POU2F2: variants seen among roughly 807,000 people sequenced by gnomAD.
The protein encoded by POU2F2 is POU domain, class 2, transcription factor 2.
In POU2F2, 14 loss-of-function variants were observed where a neutral mutation model predicts 63.5. That is an observed-to-expected ratio of 0.22 (90% CI 0.15 to 0.34). The LOEUF (loss-of-function observed/expected upper bound fraction) is 0.34. POU2F2 is among the 10% of genes least tolerant of loss of function. The probability of loss-of-function intolerance (pLI) is 1.00; values close to 1 mark genes in which losing one functional copy is unlikely to be tolerated. For synonymous variants in POU2F2, 306 were observed against 348.6 expected (o/e 0.88, Z 1.36); for missense variants, 607 against 815.2 (o/e 0.74, Z 3.11).
Position 42,091,312 on chromosome 19 carries a change from G to T in POU2F2, c.1820C>A (p.Ala607Glu), listed in dbSNP as rs957068196. 4 of 1,534,392 alleles carry T rather than the reference G, an allele frequency of 2.6e-6. No homozygotes were observed. The African/African-American group carries it at 5.5e-5, about 21-fold the overall frequency. The part of the protein sequence containing the change: ...SSSSSTCSET[A>E]AQTPGGPGGP... ...CCCTGGACCTCCAGGGGTCTGTGCT[G>T]CCGTCTCGCTGCAAGTGGAGGAGGA... The change falls in exon 15 of 15, where the codon GCA becomes GAA. Residue 607 changes from alanine to glutamate, a missense_variant. Coordinates refer to ENST00000692977, the MANE Select transcript of POU2F2 (RefSeq NM_001394376.1).
At chr19:42,140,259 C>G (rs1335373112) in intron 2 of POU2F2, among the ~76,000 whole-genome samples, 1 of 152,108 alleles carries the variant, frequency 6.6e-6, no homozygotes, top group East Asian at 1.9e-4. Context: ...TGCGCACTTC[C>G]TGTTCTCTAG....
At position 42,091,880 on chromosome 19, in the gene POU2F2, C is replaced by G; in HGVS notation, c.1527G>C (p.Leu509Phe). 2 of 1,539,058 alleles carry G rather than the reference C, an allele frequency of 1.3e-6. No homozygotes were observed. The highest frequency in any genetic ancestry group is 8.7e-7 in the Non-Finnish European group (1 of 1,146,904). ...LSPALMSNNP[L>F]ATIQALASGG... ...GGCAGCACGCACCTTGGATAGTGGCCAAAGGGTTGTTGCTCATGAGGGCTG... is the reference window on the plus strand; with the variant it reads ...GGCAGCACGCACCTTGGATAGTGGCGAAAGGGTTGTTGCTCATGAGGGCTG... Residue 509 changes from leucine to phenylalanine, a missense_variant, in exon 14 of 15, where the codon TTG becomes TTC. Coordinates refer to ENST00000692977, the MANE Select transcript of POU2F2 (RefSeq NM_001394376.1).
rs1234144990 is a variant in POU2F2, at chr19:42,156,937, G to T, written c.-9+3395C>A. On this transcript the variant is annotated intron_variant, in intron 2 of 6. Coordinates refer to the POU2F2 transcript ENST00000524801. The surrounding 1 kb of genome is among the most constrained non-coding windows in gnomAD (Gnocchi z 4.1). ...CGAGGCATTCAGGACTCCCCTCAGGGTGTGTGAGCACCCTGGGGCACATGC... is the reference window on the plus strand; with the variant it reads ...CGAGGCATTCAGGACTCCCCTCAGGTTGTGTGAGCACCCTGGGGCACATGC... 6.6e-6 allele frequency: 1 copy of T among 152,258 alleles called. No individual in the cohort carries two copies. The highest frequency in any genetic ancestry group is 1.5e-5 in the Non-Finnish European group (1 of 68,076). 9.4% of individuals were successfully genotyped at this position (152,258 alleles called of 1,614,324 possible).
intron 2 of POU2F2, among the ~76,000 whole-genome samples, chr19:42,141,805 A>T (rs2034134092): frequency 6.6e-6 from 1 of 152,140 alleles, no homozygotes; most frequent in Non-Finnish European, 1.5e-5. Context: ...CTTAAATTTA[A>T]TATTTGCTAC....
chr19:42,131,233 G>A (rs2033703862), intron 1 of POU2F2, among the ~76,000 whole-genome samples: 1 of 151,678 alleles, frequency 6.6e-6, no homozygotes, highest in Non-Finnish European at 1.5e-5. Context: ...ACTGTCATTG[G>A]TGACAGGTCT....
intron 5 of POU2F2, among the ~76,000 whole-genome samples, chr19:42,100,656 CAGG>C (rs1348912919): frequency 3.3e-5 from 5 of 152,030 alleles, no homozygotes; most frequent in African/African-American, 1.2e-4. Flanking sequence ...GAGGCTGATG[CAGG>C]AGAATTGCTT....
intron 1 of POU2F2, among the ~76,000 whole-genome samples, chr19:42,127,781 C>T (rs2033344054): frequency 6.6e-6 from 1 of 152,046 alleles, no homozygotes; most frequent in South Asian, 2.1e-4. Context: ...TTGTCACTGT[C>T]TTAGAGGCTG....
chr19:42,090,058 T>TGTGC lies in POU2F2; in HGVS notation c.*1195_*1198dup, dbSNP rs1340592139. ...CTCGAGGAACCCCACCACTGGGGTGTGTGCGTGCGTGCATGTGGGGGGAGG... is the reference window on the plus strand; with the variant it reads ...CTCGAGGAACCCCACCACTGGGGTGTGTGCGTGCGTGCGTGCATGTGGGGGGAGG... On this transcript the variant is annotated 3_prime_UTR_variant, in exon 15 of 15. Transcript: ENST00000692977. This position sits in a 1 kb window ranked among gnomAD's most constrained non-coding sequence, Gnocchi z 4.4. The TGTGC allele has an allele frequency of 6.6e-6, 1 of 152,486 alleles. No homozygotes were observed. Among genetic ancestry groups the TGTGC allele is most frequent in the Non-Finnish European group, 1.5e-5 (1 of 68,024 alleles). The allele number at this position is 152,486 out of a possible 1,614,324, so 9.4% of individuals were successfully genotyped here.
intron 1 of POU2F2, among the ~76,000 whole-genome samples, chr19:42,192,360 C>G (rs1435031565): frequency 6.6e-6 from 1 of 152,094 alleles, no homozygotes; most frequent in African/African-American, 2.4e-5. Flanking sequence ...AATCTGGGTC[C>G]TCAGTCCCTC....
At chr19:42,124,338 G>C (rs913196021) in intron 1 of POU2F2, among the ~76,000 whole-genome samples, 2 of 147,494 alleles carry the variant, frequency 1.4e-5, no homozygotes, top group African/African-American at 5.0e-5. Context: ...AAAGAATGGA[G>C]CTAAAGTAAG....
Position 42,095,627 on chromosome 19 carries a change from T to C in POU2F2, c.938A>G (p.Asp313Gly). 6.2e-7 allele frequency: 1 copy of C among 1,612,834 alleles called. No homozygotes were observed. Among genetic ancestry groups the C allele is most frequent in the Non-Finnish European group, 8.5e-7 (1 of 1,179,782 alleles). ...NQLSSPSLGF[D>G]GLPGRRRKKR... ...CTTGCGTCTCCGGCCGGGCAGGCCG[T>C]CGAAACCCAGGCTGGGGCTGCTCAG... Residue 313 changes from aspartate (D) to glycine (G), a missense_variant, in exon 10 of 15, where the codon GAC becomes GGC. Physicochemically the swap from Asp to Gly is moderately conservative, Grantham distance 94. Transcript: ENST00000692977. The surrounding 1 kb of genome is among the most constrained non-coding windows in gnomAD (Gnocchi z 7.1).
chr19:42,092,205 C>T lies in POU2F2; in HGVS notation c.1330G>A (p.Gly444Arg), dbSNP rs776707314. The T allele has an allele frequency of 1.0e-5, 16 of 1,559,070 alleles. No homozygotes were observed. Among genetic ancestry groups the T allele is most frequent in the Non-Finnish European group, 1.4e-5 (16 of 1,154,002 alleles). ...TTGAGGGGGGGCGCAGCCCCGCCCC[C>T]GCCCCCACCCCCTCCAGCTGTCCGG... Reference protein sequence around the residue: ...PSRTAGGGGGGGGAAPPLNSI... With the variant: ...PSRTAGGGGGRGGAAPPLNSI... Residue 444 changes from glycine to arginine, a missense_variant, in exon 13 of 15, where the codon GGG (glycine) becomes AGG (arginine). By Grantham distance (125) the Gly-to-Arg change is moderately radical. This residue lies in a region of POU2F2 where 270 missense variants were observed against 307.5 expected (regional missense o/e 0.88). Coordinates refer to ENST00000692977, the MANE Select transcript of POU2F2 (RefSeq NM_001394376.1). The surrounding 1 kb of genome is among the most constrained non-coding windows in gnomAD (Gnocchi z 5.0).
rs745711410 is a variant in POU2F2, at chr19:42,099,556, A to G, written c.538T>C (p.Ser180Pro). 7.4e-6 allele frequency: 12 copies of G among 1,613,872 alleles called. 1 individual carries two copies. The South Asian group carries it at 1.2e-4, about 16-fold the overall frequency. ...PQQTQGALLT[S>P]QPRAGLPTQA... The stretch of plus-strand genomic sequence containing the variant: ...GTGGGAAGCCCGGCCCGGGGCTGGG[A>G]GGTCAGAAGAGCTCCCTGGGTTTGC... The change falls in exon 7 of 15, where the codon TCC becomes CCC. Residue 180 changes from serine to proline, a missense_variant. Around this residue, in one of 7 missense-constraint regions of POU2F2, gnomAD observed 224 missense variants for 264.3 expected, o/e 0.85. Transcript: ENST00000692977.
At chr19:42,184,892 C>T (rs1453315616) in intron 1 of POU2F2, among the ~76,000 whole-genome samples, 4 of 152,046 alleles carry the variant, frequency 2.6e-5, no homozygotes, top group Non-Finnish European at 5.9e-5. Flanking sequence ...TCAGGATACC[C>T]AGCCACCTCC....
At chr19:42,194,491 G>A (rs545631445) in intron 1 of POU2F2, among the ~76,000 whole-genome samples, 1 of 152,022 alleles carries the variant, frequency 6.6e-6, no homozygotes, top group South Asian at 2.1e-4. Context: ...GGGTGCCGTG[G>A]CTCATGCCTG....
chr19:42,171,514 C>T (rs1376002706), intron 1 of POU2F2, among the ~76,000 whole-genome samples: 1 of 149,138 alleles, frequency 6.7e-6, no homozygotes, highest in Admixed American at 6.7e-5. Context: ...CTGGGCTTGG[C>T]GTGGGGGGCC....
chr19:42,121,010 C>A (rs1335821445), intron 4 of POU2F2, among the ~76,000 whole-genome samples: 3 of 152,078 alleles, frequency 2.0e-5, no homozygotes, highest in African/African-American at 7.2e-5. Flanking sequence ...GCGTACAGGG[C>A]GAGTTGTGGA....
In POU2F2 at chr19:42,091,870, G is replaced by C; in HGVS notation, c.1537C>G (p.Gln513Glu). The C allele has an allele frequency of 6.5e-7, 1 of 1,538,838 alleles. No individual in the cohort carries two copies. Among genetic ancestry groups the C allele is most frequent in the Non-Finnish European group, 8.7e-7 (1 of 1,146,906 alleles). Reference sequence around the variant, plus strand: ...TGTGACATGAGGCAGCACGCACCTTGGATAGTGGCCAAAGGGTTGTTGCTC... The same window carrying C: ...TGTGACATGAGGCAGCACGCACCTTCGATAGTGGCCAAAGGGTTGTTGCTC... ...LMSNNPLATI[Q>E]ALASGGTLPL... Residue 513 changes from glutamine (Q) to glutamate (E), a missense_variant, in exon 14 of 15, where the codon CAA becomes GAA. This residue lies in a region of POU2F2 where 270 missense variants were observed against 307.5 expected (regional missense o/e 0.88). Coordinates refer to ENST00000692977, the MANE Select transcript of POU2F2 (RefSeq NM_001394376.1).
intron 1 of POU2F2, among the ~76,000 whole-genome samples, chr19:42,195,031 AAGGGAGGGAGGGAGGAAGGAAGGG>A (rs2035119846): frequency 6.6e-5 from 4 of 60,252 alleles, no homozygotes; most frequent in Admixed American, 1.7e-4. Context: ...GGGAGGAACG[AAGGGAGGGAGGGAGGAAGGAAGGG>A]AGGGAGGGAG....
Sources: allele counts gnomAD v4.1 joint callset (sites outside exome capture counted in the v4.1 genomes callset), GRCh38; gene constraint gnomAD v4.1.1; regional missense constraint gnomAD v4.1.1; non-coding constraint Gnocchi (gnomAD v3.1); transcripts MANE v1.5; gene names NCBI Gene and HGNC (gene_info 2026-07-23, HGNC 2026-07-21).